FER: variants seen among roughly 807,000 people sequenced by gnomAD.
FER encodes FER tyrosine kinase, also known as tyrosine-protein kinase Fer.
FER carries 63 observed loss-of-function variants against 111.0 expected under a neutral mutation model. That is an observed-to-expected ratio of 0.57 (90% CI 0.46 to 0.70). The LOEUF is 0.70. Ranked by LOEUF, FER falls within the 30% of genes least tolerant of loss-of-function variation. The pLI, the probability that FER is intolerant of heterozygous loss-of-function variation, is 0.00. For missense variants in FER, 914 were observed against 954.0 expected, an observed-to-expected ratio of 0.96 and a Z score of 0.55; for synonymous variants, 327 against 313.9, an observed-to-expected ratio of 1.04 and a Z score of -0.44.
intron 16 of FER, among the ~76,000 whole-genome samples, chr5:109,062,879 C>T (rs1774604427): frequency 6.6e-6 from 1 of 152,194 alleles, no homozygotes; most frequent in Non-Finnish European, 1.5e-5. Flanking sequence ...CTCACACAGA[C>T]TCATGGCCCT....
At chr5:109,081,603 A>G (rs1776991276) in intron 16 of FER, among the ~76,000 whole-genome samples, 2 of 152,026 alleles carry the variant, frequency 1.3e-5, no homozygotes, top group Non-Finnish European at 2.9e-5. Context: ...ATTGAAACCG[A>G]TTTAGCTTTT....
intron 10 of FER, among the ~76,000 whole-genome samples, chr5:108,911,128 A>G (rs1477552865): frequency 6.6e-6 from 1 of 152,140 alleles, no homozygotes. Flanking sequence ...CCGCACTAGC[A>G]TCTGTTGTTT....
In FER at chr5:108,970,329, C is replaced by T. The variant is rs1760469445; in HGVS notation, c.1656+10982C>T. ...CTCTCAGGTTCACGCCATTCTCCTG[C>T]CTCAGCCTCCCAAGTGGCTGGGACT... On this transcript the variant is annotated intron_variant, in intron 13 of 19. Transcript: ENST00000281092. 3.3e-5 allele frequency among the ~76,000 whole-genome samples: 5 copies of T among 152,024 alleles called. No individual in the cohort carries two copies. The South Asian group carries it at 1.0e-3, about 31-fold the overall frequency.
At chr5:108,852,626 C>G (rs1366352412) in intron 5 of FER, among the ~76,000 whole-genome samples, 2 of 152,022 alleles carry the variant, frequency 1.3e-5, no homozygotes, top group Non-Finnish European at 2.9e-5. Flanking sequence ...AAGTAGAGTT[C>G]AAGCTACAGT....
At chr5:109,020,022 C>T (rs1485061619) in intron 13 of FER, among the ~76,000 whole-genome samples, 1 of 151,964 alleles carries the variant, frequency 6.6e-6, no homozygotes, top group African/African-American at 2.4e-5. Context: ...ATGTGTCTTA[C>T]TGCTTTGCAG....
At chr5:109,128,304 T>G (rs1321199260) in intron 17 of FER, among the ~76,000 whole-genome samples, 1 of 152,098 alleles carries the variant, frequency 6.6e-6, no homozygotes, top group African/African-American at 2.4e-5. Context: ...GTTCCCAGAT[T>G]CTCACATTTG....
At chr5:109,065,182 A>G (rs1774932704) in intron 16 of FER, among the ~76,000 whole-genome samples, 1 of 152,194 alleles carries the variant, frequency 6.6e-6, no homozygotes, top group Admixed American at 6.5e-5. Context: ...TTTTATCAGA[A>G]TTGTAAGGAA....
chr5:109,042,753 A>T (rs145251278), intron 14 of FER, among the ~76,000 whole-genome samples: 2 of 152,272 alleles, frequency 1.3e-5, no homozygotes, highest in East Asian at 3.9e-4. Context: ...AAGACGAAGT[A>T]TCAGCTTCTG....
At chr5:109,066,813 C>G (rs545425003) in intron 16 of FER, among the ~76,000 whole-genome samples, 43 of 152,200 alleles carry the variant, frequency 2.8e-4, no homozygotes, top group Non-Finnish European at 4.7e-4. Context: ...TCAGTGATCT[C>G]TTTTCTCAAA....
At chr5:108,871,321 T>C in intron 6 of FER, 44 bp from the exon 7 acceptor site, 1 of 1,530,616 alleles carries the variant, frequency 6.5e-7, no homozygotes. Context: ...GTATCTCTCT[T>C]GATAAAACTT....
At chr5:108,852,146 A>G (rs1048601608) in intron 5 of FER, among the ~76,000 whole-genome samples, 9 of 152,250 alleles carry the variant, frequency 5.9e-5, no homozygotes, top group Non-Finnish European at 1.2e-4. Context: ...AGGATTACCT[A>G]CTGCTAGAAC....
At chr5:108,805,859 A>T (rs751484229) in intron 3 of FER, among the ~76,000 whole-genome samples, 1 of 152,224 alleles carries the variant, frequency 6.6e-6, no homozygotes, top group Non-Finnish European at 1.5e-5. Flanking sequence ...AAAGTTTGGA[A>T]AATTTGCAGC....
At chr5:108,920,522 G>C (rs1752887356) in intron 10 of FER, among the ~76,000 whole-genome samples, 1 of 151,906 alleles carries the variant, frequency 6.6e-6, no homozygotes, top group African/African-American at 2.4e-5. Flanking sequence ...AGTCTTCTTA[G>C]GGTATTTTCA....
chr5:109,103,884 C>T (rs1467892709), intron 17 of FER, among the ~76,000 whole-genome samples: 1 of 152,090 alleles, frequency 6.6e-6, no homozygotes, highest in Admixed American at 6.5e-5. Flanking sequence ...ATCCTACTGC[C>T]AAATTTGTTT....
chr5:109,080,062 T>TGGGAG (rs1776814427), intron 16 of FER, among the ~76,000 whole-genome samples: 2 of 151,434 alleles, frequency 1.3e-5, no homozygotes, highest in South Asian at 4.2e-4. Flanking sequence ...CATGGTTAAA[T>TGGGAG]GAATAAAGTG....
At chr5:109,015,245 T>A (rs1561775970) in intron 13 of FER, among the ~76,000 whole-genome samples, 1 of 152,094 alleles carries the variant, frequency 6.6e-6, no homozygotes, top group Non-Finnish European at 1.5e-5. Flanking sequence ...CCATTTTGAT[T>A]TTGCTGTTCA....
chr5:108,955,464 TAAA>T (rs928327894), intron 12 of FER, among the ~76,000 whole-genome samples: 2 of 151,912 alleles, frequency 1.3e-5, no homozygotes, highest in African/African-American at 4.8e-5. Flanking sequence ...AATGAAGAAT[TAAA>T]AATCTATTTA....
chr5:109,187,324 A>G (rs906248901), intron 19 of FER, 109 bp from the exon 20 acceptor site: 7 of 1,140,586 alleles, frequency 6.1e-6, no homozygotes, highest in East Asian at 4.8e-5. Context: ...TTGTTTCCAT[A>G]TAACTACAAC....
chr5:108,750,961 G>A (rs541969587), intron 1 of FER, among the ~76,000 whole-genome samples: 2 of 152,342 alleles, frequency 1.3e-5, no homozygotes, highest in Non-Finnish European at 2.9e-5. Flanking sequence ...GGGAGGCCGA[G>A]GCGGGCGGAT....
Sources: gnomAD v4.1 joint callset for allele counts (sites outside exome capture counted in the v4.1 genomes callset) on GRCh38, gnomAD v4.1.1 for gene constraint, MANE v1.5 for transcripts, NCBI Gene and HGNC (gene_info 2026-07-23, HGNC 2026-07-21) for gene names.